SYTL5: variants seen among roughly 807,000 people sequenced by gnomAD.
The protein encoded by SYTL5 is synaptotagmin like 5.
SYTL5 carries 34 observed loss-of-function variants against 55.9 expected under a neutral mutation model. The observed-to-expected ratio is 0.61, with a 90% confidence interval of 0.46 to 0.81. SYTL5 has a LOEUF of 0.81. Ranked by LOEUF, SYTL5 falls within the 30% of genes least tolerant of loss-of-function variation. The pLI is 0.00. For synonymous variants in SYTL5, 221 were observed against 188.7 expected (o/e 1.17, Z -1.40); for missense variants, 637 against 546.7 (o/e 1.17, Z -1.65).
chrX:37,914,136 A>G, the SYTL5 span, among the ~76,000 whole-genome samples: 1 of 111,665 alleles, frequency 9.0e-6, no homozygotes. Flanking sequence ...TAGGAGTACA[A>G]ATTGGTACCA....
chrX:37,925,880 T>G, the SYTL5 span, among the ~76,000 whole-genome samples: 3 of 112,138 alleles, frequency 2.7e-5, no homozygotes, highest in African/African-American at 3.2e-5. Flanking sequence ...CCTGAATTAC[T>G]TCACTTAGAA....
At chrX:38,018,323 T>C (rs1602306657) in intron 1 of SYTL5, among the ~76,000 whole-genome samples, 1 of 111,487 alleles carries the variant, frequency 9.0e-6, no homozygotes, top group Non-Finnish European at 1.9e-5. Flanking sequence ...CCCTTTCACT[T>C]CTCTTCCTGG....
At chrX:37,991,394 A>G in the SYTL5 span, 2 of 682,962 alleles carry the variant, frequency 2.9e-6, no homozygotes, top group Non-Finnish European at 4.2e-6. Flanking sequence ...CTATCCCCAG[A>G]GAGCTGAAGG....
chrX:38,041,561 T>C (rs1196230640), intron 2 of SYTL5, among the ~76,000 whole-genome samples: 1 of 112,332 alleles, frequency 8.9e-6, no homozygotes, highest in African/African-American at 3.2e-5. Flanking sequence ...ACTCAAATGC[T>C]TAATGAGTCA....
intron 8 of SYTL5, among the ~76,000 whole-genome samples, chrX:38,095,253 T>A (rs9699124): frequency 0.1 from 11,682 of 111,575 alleles, 1,060 homozygotes; most frequent in African/African-American, 0.28. Context: ...GTTAATTAAA[T>A]TTTTAAACTA....
the SYTL5 span, among the ~76,000 whole-genome samples, chrX:37,956,372 C>T: frequency 1.9e-4 from 21 of 112,244 alleles, no homozygotes; most frequent in Non-Finnish European, 3.8e-4. Flanking sequence ...ATAGGCACAA[C>T]GTTGTACAGC....
chrX:37,916,099 C>G, the SYTL5 span, among the ~76,000 whole-genome samples: 1 of 111,480 alleles, frequency 9.0e-6, no homozygotes, highest in Non-Finnish European at 1.9e-5. Context: ...TCCATACTTC[C>G]GTTAGGAACT....
the SYTL5 span, among the ~76,000 whole-genome samples, chrX:37,916,754 G>A: frequency 7.1e-5 from 8 of 111,929 alleles, no homozygotes; most frequent in Admixed American, 9.5e-5. Context: ...AGAGAGTTAC[G>A]TATACCTATA....
At chrX:38,026,328 G>C (rs989919069) in intron 1 of SYTL5, among the ~76,000 whole-genome samples, 1 of 111,259 alleles carries the variant, frequency 9.0e-6, no homozygotes, top group Non-Finnish European at 1.9e-5. Context: ...TATAGTCATA[G>C]TTCAGTGCTG....
chrX:38,005,548 G>A (rs1050013490), upstream of SYTL5, among the ~76,000 whole-genome samples: 13 of 110,990 alleles, frequency 1.2e-4, no homozygotes, highest in African/African-American at 4.2e-4. Flanking sequence ...TAACCACATG[G>A]AAATTTTAGA....
chrX:38,120,834 G>C (rs751137273), intron 14 of SYTL5, among the ~76,000 whole-genome samples: 2 of 111,204 alleles, frequency 1.8e-5, no homozygotes, highest in African/African-American at 3.3e-5. Flanking sequence ...TCTTGAGGAA[G>C]AAGTTGATCT....
intron 12 of SYTL5, among the ~76,000 whole-genome samples, chrX:38,110,015 A>G (rs1395837683): frequency 9.0e-6 from 1 of 110,921 alleles, no homozygotes; most frequent in East Asian, 2.8e-4. Flanking sequence ...AAAATGAAAA[A>G]CCAATAAAAC....
At chrX:38,035,522 C>T (rs1024319470) in intron 2 of SYTL5, among the ~76,000 whole-genome samples, 2 of 103,748 alleles carry the variant, frequency 1.9e-5, no homozygotes, top group African/African-American at 3.6e-5. Flanking sequence ...ACCCGGGAGG[C>T]GGAGCTTGCA....
intron 8 of SYTL5, among the ~76,000 whole-genome samples, chrX:38,094,989 T>C (rs1461263058): frequency 8.9e-6 from 1 of 111,992 alleles, no homozygotes; most frequent in African/African-American, 3.2e-5. Context: ...TTAATAGCTA[T>C]GACTAAGAAA....
intron 2 of SYTL5, among the ~76,000 whole-genome samples, chrX:38,040,296 T>A (rs1360891697): frequency 9.0e-6 from 1 of 111,674 alleles, no homozygotes; most frequent in Non-Finnish European, 1.9e-5. Flanking sequence ...GAATGGGGTA[T>A]CCATCTCCTC....
intron 6 of SYTL5, among the ~76,000 whole-genome samples, chrX:38,080,262 C>T (rs375314103): frequency 2.7e-5 from 3 of 111,939 alleles, no homozygotes; most frequent in Admixed American, 1.9e-4. Context: ...AACTTTGAAC[C>T]TAAAATGCAT....
In SYTL5 at chrX:38,048,420, C is replaced by A. The variant is rs1261756021; in HGVS notation, c.120-5793C>A. 3.7e-5 allele frequency among the ~76,000 whole-genome samples: 4 copies of A among 108,744 alleles called. No homozygotes were observed. In the Admixed American group the frequency reaches 4.0e-4, roughly 11 times the overall value. 94.4% of individuals were successfully genotyped at this position (108,744 alleles called of 115,157 possible). A position where few individuals can be genotyped will look rare whatever the true frequency, so the allele number is the denominator to read the frequency against. ...TTCCCCAGTTTCAAAGTTGCTTCCA[C>A]ATTTTTGGGTATCTTTTCAGCAGTG... On this transcript the variant is annotated intron_variant, in intron 2 of 16. Coordinates refer to ENST00000297875, the MANE Select transcript of SYTL5 (RefSeq NM_138780.3).
At position 38,093,589 on chromosome X, in the gene SYTL5, C is replaced by A. The variant is rs777188096; in HGVS notation, c.832-706C>A. On this transcript the variant is annotated intron_variant, in intron 7 of 16. Transcript: ENST00000297875. ...TCTATGGTCATGGGCGAAGTCGGGA[C>A]AGAATTTTCTTTACCATATGTTACA... Among the ~76,000 whole-genome samples the A allele has an allele frequency of 3.6e-5, 4 of 111,159 alleles. No individual in the cohort carries two copies. The East Asian group carries it at 1.1e-3, about 31-fold the overall frequency.
intron 2 of SYTL5, among the ~76,000 whole-genome samples, chrX:38,039,868 T>G (rs1935227781): frequency 8.9e-6 from 1 of 112,045 alleles, no homozygotes; most frequent in African/African-American, 3.2e-5. Flanking sequence ...AAAAAAAATT[T>G]TTTTTATTTT....
Sources: allele counts gnomAD v4.1 joint callset (sites outside exome capture counted in the v4.1 genomes callset), GRCh38; gene constraint gnomAD v4.1.1; transcripts MANE v1.5; gene names NCBI Gene and HGNC (gene_info 2026-07-23, HGNC 2026-07-21).